Variants in PCDHGA3 observed in about 807,000 individuals in gnomAD.
PCDHGA3 encodes protocadherin gamma-A3.
In PCDHGA3, 40 loss-of-function variants were observed where a neutral mutation model predicts 58.5. The observed-to-expected ratio is 0.68, with a 90% CI of 0.53 to 0.89. The LOEUF (loss-of-function observed/expected upper bound fraction) is 0.89, where lower values mean the gene tolerates loss of function less well. Ranked by LOEUF, PCDHGA3 falls within the 40% of genes least tolerant of loss-of-function variation. PCDHGA3 has a pLI of 0.00. For synonymous variants in PCDHGA3, 530 were observed against 525.7 expected (o/e 1.01, Z -0.11); for missense variants, 1,223 against 1,195.9 (o/e 1.02, Z -0.33).
At chr5:141,405,489 G>A (rs1008095215) in intron 1 of PCDHGA3, 51 of 894,082 alleles carry the variant, frequency 5.7e-5, no homozygotes, top group Non-Finnish European at 7.7e-5. Context: ...GTGTGATCTC[G>A]GCTCATTGCA....
intron 3 of PCDHGA3, among the ~76,000 whole-genome samples, chr5:141,506,444 C>CAA (rs1219684339): frequency 1.2e-3 from 116 of 94,976 alleles, no homozygotes; most frequent in African/African-American, 4.2e-3. Flanking sequence ...CGCTCTGTCT[C>CAA]AAAAAAAAAA....
In PCDHGA3 at chr5:141,343,974, T is replaced by C. The variant is rs753400082; in HGVS notation, c.-60T>C. The C allele has an allele frequency of 1.7e-5, 24 of 1,393,170 alleles. No homozygotes were observed. The highest frequency in any genetic ancestry group is 4.8e-5 in the East Asian group (2 of 41,838). The allele number at this position is 1,393,170 out of a possible 1,614,324, so 86.3% of individuals were successfully genotyped here. A position where few individuals can be genotyped will look rare whatever the true frequency, so the allele number is the denominator to read the frequency against. ...GACTTCGTTTCTTGAGAAAATAAGATTGGAGTCCGTCGTAGGAAACTGGAA... is the reference window on the plus strand; with the variant it reads ...GACTTCGTTTCTTGAGAAAATAAGACTGGAGTCCGTCGTAGGAAACTGGAA... On this transcript the variant is annotated 5_prime_UTR_variant, in exon 1 of 4. Transcript: ENST00000253812.
At chr5:141,496,164 C>T (rs745320704) in intron 2 of PCDHGA3, among the ~76,000 whole-genome samples, 1 of 152,084 alleles carries the variant, frequency 6.6e-6, no homozygotes, top group Non-Finnish European at 1.5e-5. Context: ...CCACCAGACA[C>T]CCTCCCATCC....
intron 1 of PCDHGA3, chr5:141,414,450 A>C (rs759840643): frequency 9.3e-6 from 15 of 1,613,772 alleles, no homozygotes. Context: ...ACAATATCAC[A>C]GTGACAGCCA....
intron 2 of PCDHGA3, among the ~76,000 whole-genome samples, chr5:141,497,879 G>T (rs62379207): frequency 2.0e-5 from 3 of 152,128 alleles, no homozygotes; most frequent in Admixed American, 6.5e-5. Flanking sequence ...TGAAATAAGC[G>T]TTAGGATCTA....
chr5:141,466,068 G>C (rs1278308918), intron 1 of PCDHGA3, among the ~76,000 whole-genome samples: 4 of 152,080 alleles, frequency 2.6e-5, no homozygotes, highest in Admixed American at 2.6e-4. Flanking sequence ...CTTGCAGTGA[G>C]CTGATATCAT....
rs762783104 is a variant in PCDHGA3 at position 141,485,601 on chromosome 5, G to A, written c.2425-9206G>A. 4.3e-6 allele frequency: 7 copies of A among 1,612,290 alleles called. No homozygotes were observed. The highest frequency in any genetic ancestry group is 5.9e-6 in the Non-Finnish European group (7 of 1,178,722). On this transcript the variant is annotated intron_variant, in intron 1 of 3. Transcript: ENST00000253812. The surrounding 1 kb of genome is among the most constrained non-coding windows in gnomAD (Gnocchi z 5.7). ...CGGCAGCAGCTGGACTTGGAAATTG[G>A]GGAGGCAGCTCCTCCAGGACAGCGT...
intron 1 of PCDHGA3, chr5:141,351,037 G>A (rs1370361683): frequency 1.2e-6 from 2 of 1,613,906 alleles, no homozygotes; most frequent in East Asian, 4.5e-5. Flanking sequence ...CCTCCGTGCT[G>A]CGGGTGATGG....
chr5:141,399,314 A>G, intron 1 of PCDHGA3: 1 of 1,613,988 alleles, frequency 6.2e-7, no homozygotes, highest in African/African-American at 1.3e-5. Flanking sequence ...TCATCCAAAA[A>G]TTCGTATAAG....
chr5:141,427,139 T>C (rs1430333586), intron 1 of PCDHGA3: 2 of 456,952 alleles, frequency 4.4e-6, no homozygotes, highest in East Asian at 1.4e-4. Context: ...TACGAGATGA[T>C]ATTGGAAATA....
At chr5:141,372,708 G>T in intron 1 of PCDHGA3, 1 of 1,613,898 alleles carries the variant, frequency 6.2e-7, no homozygotes, top group Non-Finnish European at 8.5e-7. Context: ...CAATATAAAG[G>T]CTGAAAATGC....
chr5:141,473,163 G>T (rs1379230893), intron 1 of PCDHGA3, among the ~76,000 whole-genome samples: 2 of 152,160 alleles, frequency 1.3e-5, no homozygotes, highest in Non-Finnish European at 1.5e-5. Flanking sequence ...GGGCTAGGAA[G>T]GCCCACTGGT....
At chr5:141,470,552 T>G (rs1303190360) in intron 1 of PCDHGA3, among the ~76,000 whole-genome samples, 1 of 151,966 alleles carries the variant, frequency 6.6e-6, no homozygotes, top group East Asian at 1.9e-4. Flanking sequence ...TTATTGAGAG[T>G]TTCCTCTGTG....
In PCDHGA3 at chr5:141,428,425, T is replaced by A. The variant is rs1193842204; in HGVS notation, c.2425-66382T>A. ...GGGTTGCTTTCACCCTGGTCTCTGT[T>A]CTAAGACTAGACCAGGGGTTTTTCC... On this transcript the variant is annotated intron_variant, in intron 1 of 3. Transcript: ENST00000253812. 4 of 436,598 alleles carry A rather than the reference T, an allele frequency of 9.2e-6. No homozygotes were observed. In the East Asian group the frequency reaches 1.9e-4, roughly 21 times the overall value. 27.0% of individuals were successfully genotyped at this position (436,598 alleles called of 1,614,324 possible). A position where few individuals can be genotyped will look rare whatever the true frequency, so the allele number is the denominator to read the frequency against.
At position 141,493,026 on chromosome 5, in the gene PCDHGA3, C is replaced by G. The variant is rs73280358; in HGVS notation, c.2425-1781C>G. Reference sequence around the variant, plus strand: ...TAGGCTCTGCCAGATGCCAGGGTGCCCTTATGTGTGAGGAAACTACAATAG... The same window carrying G: ...TAGGCTCTGCCAGATGCCAGGGTGCGCTTATGTGTGAGGAAACTACAATAG... On this transcript the variant is annotated intron_variant, in intron 1 of 3. Coordinates refer to ENST00000253812, the MANE Select transcript of PCDHGA3 (RefSeq NM_018916.4). This position sits in a 1 kb window ranked among gnomAD's most constrained non-coding sequence, Gnocchi z 4.3. 0.039 allele frequency among the ~76,000 whole-genome samples: 5,923 copies of G among 152,298 alleles called. 150 individuals are homozygous for G. The highest frequency in any genetic ancestry group is 0.077 in the South Asian group (370 of 4,822).
intron 1 of PCDHGA3, chr5:141,426,294 CAG>C (rs555591649): frequency 1.2e-4 from 20 of 167,070 alleles, no homozygotes; most frequent in African/African-American, 4.5e-4. Context: ...GGATGGGAAA[CAG>C]GGTGAAGCAG....
In PCDHGA3 at chr5:141,493,233, G is replaced by T. The variant is rs1335823475; in HGVS notation, c.2425-1574G>T. ...TTTGCTCTTCCCACCATTGCTGTTG[G>T]CTAGGTACTAACATGCCTCTCTTAT... is the stretch of plus-strand genomic sequence containing the variant. On this transcript the variant is annotated intron_variant, in intron 1 of 3. Coordinates refer to ENST00000253812, the MANE Select transcript of PCDHGA3 (RefSeq NM_018916.4). This position sits in a 1 kb window ranked among gnomAD's most constrained non-coding sequence, Gnocchi z 4.3. 6.6e-6 allele frequency among the ~76,000 whole-genome samples: 1 copy of T among 152,172 alleles called. No homozygotes were observed. The highest frequency in any genetic ancestry group is 2.1e-4 in the South Asian group (1 of 4,828).
chr5:141,394,211 G>A, intron 1 of PCDHGA3: 1 of 1,613,888 alleles, frequency 6.2e-7, no homozygotes, highest in Non-Finnish European at 8.5e-7. Flanking sequence ...AGAACAACCT[G>A]AGAGGAGCCT....
intron 1 of PCDHGA3, chr5:141,415,347 C>T (rs1369709460): frequency 1.9e-6 from 3 of 1,614,120 alleles, no homozygotes; most frequent in Non-Finnish European, 2.5e-6. Context: ...GGCGCTGGCA[C>T]AAGTCACGCC....
Sources: allele counts gnomAD v4.1 joint callset (sites outside exome capture counted in the v4.1 genomes callset), GRCh38; gene constraint gnomAD v4.1.1; non-coding constraint Gnocchi (gnomAD v3.1); transcripts MANE v1.5; gene names NCBI Gene and HGNC (gene_info 2026-07-23, HGNC 2026-07-21).